NUP160: variants seen among roughly 807,000 people sequenced by gnomAD.
NUP160 encodes nucleoporin 160.
In NUP160, 94 loss-of-function variants were observed where a neutral mutation model predicts 196.9. That is an observed-to-expected ratio of 0.48 (90% confidence interval 0.40 to 0.57). The LOEUF is 0.57. Among genes scored for constraint, NUP160 ranks in the 20% least tolerant of loss-of-function variants. NUP160 has a pLI of 0.00. For missense variants in NUP160, 1,638 were observed against 1,748.3 expected (o/e 0.94, Z 1.13); for synonymous variants, 605 against 619.7 (o/e 0.98, Z 0.35).
intron 11 of NUP160, among the ~76,000 whole-genome samples, chr11:47,817,358 T>A (rs1034228056): frequency 4.0e-5 from 6 of 151,352 alleles, no homozygotes; most frequent in Non-Finnish European, 7.4e-5. Flanking sequence ...TTTTTTTTTT[T>A]TTTGAGACAG....
chr11:47,818,556 A>AAAC (rs1443465716), intron 10 of NUP160, among the ~76,000 whole-genome samples: 1 of 152,170 alleles, frequency 6.6e-6, no homozygotes, highest in Non-Finnish European at 1.5e-5. Flanking sequence ...AAACAAAACA[A>AAAC]AACAAAACAA....
At chr11:47,828,248 A>C (rs1313904930) in intron 7 of NUP160, among the ~76,000 whole-genome samples, 1 of 152,222 alleles carries the variant, frequency 6.6e-6, no homozygotes, top group Non-Finnish European at 1.5e-5. Flanking sequence ...CTAATAAATG[A>C]GTTCAGCAAA....
rs191077225 is a variant in NUP160 at position 47,780,404 on chromosome 11, G to A, written c.4160C>T (p.Ser1387Phe). 14 of 1,613,892 alleles carry A rather than the reference G, an allele frequency of 8.7e-6. No homozygotes were observed. In the Admixed American group the frequency reaches 1.3e-4, roughly 15 times the overall value. The change falls in exon 35 of 36, where the codon TCC becomes TTC. Residue 1387 changes from serine (S) to phenylalanine (F), a missense_variant. By Grantham distance (155) the Ser-to-Phe change is radical. This residue lies in a region of NUP160 where 1,345 missense variants were observed against 1,470.2 expected (regional missense o/e 0.91). Coordinates refer to ENST00000378460, the Ensembl canonical transcript of NUP160. ...AGCTTGGAGAAGCTGATCAATAGAGGAGTATGGAAGCCACACCATTGGGGC... is the reference window on the plus strand; with the variant it reads ...AGCTTGGAGAAGCTGATCAATAGAGAAGTATGGAAGCCACACCATTGGGGC...
intron 21 of NUP160, among the ~76,000 whole-genome samples, chr11:47,804,111 G>A (rs2097676028): frequency 6.6e-6 from 1 of 151,876 alleles, no homozygotes; most frequent in Non-Finnish European, 1.5e-5. Context: ...AACCCAGGAG[G>A]TGGAGGCTGC....
At position 47,835,823 on chromosome 11, in the gene NUP160, T is replaced by C. The variant is rs1342427614; in HGVS notation, c.943-14A>G. ...GCACATTTGCTCCTGTCCAAGAAAATAGTTAATAGGTGATATTCAAGGGAT... is the reference window on the plus strand; with the variant it reads ...GCACATTTGCTCCTGTCCAAGAAAACAGTTAATAGGTGATATTCAAGGGAT... On this transcript the variant is annotated splice_polypyrimidine_tract_variant and intron_variant, in intron 6 of 35. Transcript: ENST00000378460. 1.2e-5 allele frequency: 19 copies of C among 1,558,106 alleles called. No individual in the cohort carries two copies. The highest frequency in any genetic ancestry group is 4.6e-5 in the East Asian group (2 of 43,038).
At chr11:47,826,370 T>C (rs1467362839) in intron 7 of NUP160, among the ~76,000 whole-genome samples, 1 of 152,222 alleles carries the variant, frequency 6.6e-6, no homozygotes, top group Admixed American at 6.6e-5. Context: ...AAAAAGTTAT[T>C]CTGATTTTAG....
At chr11:47,800,605 T>C (rs2097673666) in intron 23 of NUP160, among the ~76,000 whole-genome samples, 1 of 152,152 alleles carries the variant, frequency 6.6e-6, no homozygotes, top group Admixed American at 6.6e-5. Flanking sequence ...TTGGTCAGGC[T>C]GGTCTCGAAC....
At chr11:47,845,017 C>T (rs1182222737) in intron 2 of NUP160, among the ~76,000 whole-genome samples, 2 of 152,230 alleles carry the variant, frequency 1.3e-5, no homozygotes, top group Non-Finnish European at 2.9e-5. Context: ...GAAGTTACAT[C>T]AGGAGTCTAA....
At chr11:47,792,017 C>A in intron 28 of NUP160, 27 bp from the exon 29 acceptor site, 1 of 1,505,482 alleles carries the variant, frequency 6.6e-7, no homozygotes, top group Non-Finnish European at 9.2e-7. Context: ...AGCAATTTAA[C>A]TGTGAAAATC....
intron 22 of NUP160, 79 bp from the exon 23 acceptor site, chr11:47,802,009 G>A: frequency 1.4e-6 from 2 of 1,389,796 alleles, no homozygotes; most frequent in African/African-American, 1.4e-5. Context: ...TCACATGTAA[G>A]GGAAAGCCAA....
At chr11:47,781,570 A>G (rs1288807145) in intron 34 of NUP160, among the ~76,000 whole-genome samples, 4 of 152,138 alleles carry the variant, frequency 2.6e-5, no homozygotes, top group African/African-American at 9.7e-5. Context: ...GGCTGATTTC[A>G]TGAGGGTTGA....
chr11:47,802,008 AGGG>A, intron 22 of NUP160, 78 bp from the exon 23 acceptor site: 27 of 1,391,834 alleles, frequency 1.9e-5, no homozygotes, highest in Middle Eastern at 2.1e-4. Context: ...TTCACATGTA[AGGG>A]AAAGCCAAAA....
chr11:47,831,894 CTTTTTTTTTTT>C (rs554204043), intron 7 of NUP160, among the ~76,000 whole-genome samples: 5 of 69,980 alleles, frequency 7.1e-5, no homozygotes, highest in East Asian at 5.7e-4. Flanking sequence ...TAATAAATTC[CTTTTTTTTTTT>C]TTTTTTTTTT....
At chr11:47,799,264 T>G (rs946194620) in intron 23 of NUP160, among the ~76,000 whole-genome samples, 3 of 151,978 alleles carry the variant, frequency 2.0e-5, no homozygotes, top group African/African-American at 7.3e-5. Flanking sequence ...TTTTGTGTTT[T>G]TAGTAGAGAT....
At chr11:47,831,278 C>T (rs187008815) in intron 7 of NUP160, among the ~76,000 whole-genome samples, 2 of 152,132 alleles carry the variant, frequency 1.3e-5, no homozygotes, top group African/African-American at 4.8e-5. Flanking sequence ...CATTAGTTAT[C>T]AGGAAATTAA....
At chr11:47,803,623 G>A (rs1285387966) in intron 21 of NUP160, 87 bp from the exon 22 acceptor site, 4 of 774,328 alleles carry the variant, frequency 5.2e-6, no homozygotes, top group Admixed American at 3.8e-5. Context: ...CACAGAGGAT[G>A]AAAAGACAGT....
At chr11:47,836,505 T>C (rs1312243141) in intron 6 of NUP160, among the ~76,000 whole-genome samples, 1 of 152,050 alleles carries the variant, frequency 6.6e-6, no homozygotes, top group Admixed American at 6.6e-5. Context: ...TCCCAGCTAT[T>C]TGAGCAGCTG....
At chr11:47,820,872 C>A (rs1342158487) in intron 9 of NUP160, among the ~76,000 whole-genome samples, 1 of 152,032 alleles carries the variant, frequency 6.6e-6, no homozygotes, top group Non-Finnish European at 1.5e-5. Context: ...TTTATAGAGA[C>A]AAGGTCTTGC....
intron 34 of NUP160, among the ~76,000 whole-genome samples, chr11:47,782,303 A>AT (rs1244214560): frequency 7.4e-5 from 3 of 40,514 alleles, no homozygotes; most frequent in Non-Finnish European, 1.3e-4. Context: ...AAAAAAAAAA[A>AT]ATATATATAT....
Sources: gnomAD v4.1 joint callset for allele counts (sites outside exome capture counted in the v4.1 genomes callset) on GRCh38, gnomAD v4.1.1 for gene constraint, gnomAD v4.1.1 regional missense constraint, MANE v1.5 for transcripts, NCBI Gene and HGNC (gene_info 2026-07-23, HGNC 2026-07-21) for gene names.